Variants in B3GLCT observed in about 807,000 individuals in gnomAD.
The protein encoded by B3GLCT is beta 3-glucosyltransferase.
B3GLCT carries 65 observed loss-of-function variants against 63.4 expected under a neutral mutation model. The observed-to-expected ratio is 1.03, with a 90% confidence interval of 0.84 to 1.26. B3GLCT has a LOEUF of 1.26. Ranked by LOEUF, B3GLCT falls within the 50% of genes most tolerant of loss-of-function variation. The probability of loss-of-function intolerance (pLI) is 0.00; values close to 1 mark genes in which losing one functional copy is unlikely to be tolerated. For missense variants in B3GLCT, 577 were observed against 604.8 expected (o/e 0.95, Z 0.48); for synonymous variants, 233 against 219.2 (o/e 1.06, Z -0.55).
At chr13:31,254,550 A>G (rs1871623544) in intron 6 of B3GLCT, among the ~76,000 whole-genome samples, 1 of 152,222 alleles carries the variant, frequency 6.6e-6, no homozygotes, top group Non-Finnish European at 1.5e-5. Flanking sequence ...CCCACAGCCA[A>G]TATCATACTG....
chr13:31,329,856 T>C lies in B3GLCT; in HGVS notation c.*188T>C, dbSNP rs954743501. ...AAAGGGGTCACAGGAGAAACATTTTTTTTTCTGGGAAAAATCACTTGCTTT... is the reference window on the plus strand; with the variant it reads ...AAAGGGGTCACAGGAGAAACATTTTCTTTTCTGGGAAAAATCACTTGCTTT... On this transcript the variant is annotated 3_prime_UTR_variant, in exon 15 of 15. Transcript: ENST00000343307. 11 of 639,758 alleles carry C rather than the reference T, an allele frequency of 1.7e-5. No homozygotes were observed. The highest frequency in any genetic ancestry group is 7.6e-5 in the South Asian group (4 of 52,550). 39.6% of individuals were successfully genotyped at this position (639,758 alleles called of 1,614,324 possible).
At chr13:31,310,733 G>A (rs1446033065) in intron 12 of B3GLCT, among the ~76,000 whole-genome samples, 1 of 152,200 alleles carries the variant, frequency 6.6e-6, no homozygotes, top group Non-Finnish European at 1.5e-5. Context: ...GATGCTTCCT[G>A]GGGGCTCAGA....
At chr13:31,220,316 C>T (rs931969139) in intron 2 of B3GLCT, among the ~76,000 whole-genome samples, 1 of 152,146 alleles carries the variant, frequency 6.6e-6, no homozygotes, top group African/African-American at 2.4e-5. Context: ...AAAAATAAAA[C>T]CTGTGTCAAA....
intron 4 of B3GLCT, among the ~76,000 whole-genome samples, chr13:31,229,815 T>G (rs546061597): frequency 1.2e-3 from 156 of 129,142 alleles, no homozygotes; most frequent in African/African-American, 4.2e-3. Flanking sequence ...TTCTGAATTT[T>G]TTTTTGTGTG....
At chr13:31,270,220 T>A (rs1254491221) in intron 8 of B3GLCT, among the ~76,000 whole-genome samples, 1 of 152,226 alleles carries the variant, frequency 6.6e-6, no homozygotes, top group Non-Finnish European at 1.5e-5. Flanking sequence ...GTCTTGCCTC[T>A]CATTCTCTGC....
rs1287523505 is a variant in B3GLCT at position 31,316,425 on chromosome 13, ATATAT to A, written c.1065-1140_1065-1136del. On this transcript the variant is annotated intron_variant, in intron 12 of 14. Coordinates refer to ENST00000343307, the MANE Select transcript of B3GLCT (RefSeq NM_194318.4). The stretch of plus-strand genomic sequence containing the variant: ...GGAGGTTTTATATATATATATATAT[ATATAT>A]AAATTTTTTTTTTTTGAGACGGAGT... Among the ~76,000 whole-genome samples, 294 of 113,134 alleles carry A rather than the reference ATATAT, an allele frequency of 2.6e-3. 10 individuals are homozygous for A. The highest frequency in any genetic ancestry group is 9.0e-3 in the African/African-American group (282 of 31,278). 74.2% of individuals were successfully genotyped at this position (113,134 alleles called of 152,430 possible).
At chr13:31,254,472 C>T (rs1364870519) in intron 6 of B3GLCT, among the ~76,000 whole-genome samples, 2 of 152,140 alleles carry the variant, frequency 1.3e-5, no homozygotes, top group East Asian at 3.8e-4. Flanking sequence ...GCCCTTCATG[C>T]TAAAAACTCT....
At chr13:31,274,676 G>A (rs1257954819) in intron 9 of B3GLCT, 48 bp downstream of exon 9, 1 of 1,606,002 alleles carries the variant, frequency 6.2e-7, no homozygotes. Flanking sequence ...GAAAAATTTA[G>A]ATGCTGTGCA....
intron 8 of B3GLCT, among the ~76,000 whole-genome samples, chr13:31,274,017 G>T (rs1223285975): frequency 6.6e-6 from 1 of 152,110 alleles, no homozygotes. Context: ...ACTACCCTTG[G>T]TGCCTTTTTT....
At chr13:31,272,529 A>G (rs1029993408) in intron 8 of B3GLCT, among the ~76,000 whole-genome samples, 3 of 151,780 alleles carry the variant, frequency 2.0e-5, no homozygotes, top group Non-Finnish European at 4.4e-5. Context: ...CTATTTTTCT[A>G]TTTTAAAGTT....
At chr13:31,289,770 G>C (rs1330402318) in intron 12 of B3GLCT, among the ~76,000 whole-genome samples, 1 of 152,032 alleles carries the variant, frequency 6.6e-6, no homozygotes, top group South Asian at 2.1e-4. Flanking sequence ...GATTAACCTT[G>C]AATATAACTG....
intron 13 of B3GLCT, among the ~76,000 whole-genome samples, chr13:31,322,864 G>A (rs1042423658): frequency 3.3e-5 from 5 of 152,124 alleles, no homozygotes; most frequent in African/African-American, 4.8e-5. Context: ...TGAGCCCAAC[G>A]TGGCCGATTG....
intron 12 of B3GLCT, among the ~76,000 whole-genome samples, chr13:31,306,735 C>T (rs1217455468): frequency 6.8e-5 from 1 of 14,796 alleles, no homozygotes; most frequent in African/African-American, 1.3e-4. Context: ...GAATCAATAT[C>T]GTGAAAATGG....
chr13:31,310,170 C>T (rs1301935886), intron 12 of B3GLCT, among the ~76,000 whole-genome samples: 2 of 152,198 alleles, frequency 1.3e-5, no homozygotes, highest in Admixed American at 6.5e-5. Context: ...TCAGCACACA[C>T]TCCCCGATCC....
At chr13:31,295,411 C>G (rs1873883757) in intron 12 of B3GLCT, among the ~76,000 whole-genome samples, 2 of 152,294 alleles carry the variant, frequency 1.3e-5, no homozygotes, top group East Asian at 3.9e-4. Flanking sequence ...GAAGCTGTGC[C>G]CACTGCCACC....
At chr13:31,244,573 A>T (rs1871108729) in intron 4 of B3GLCT, among the ~76,000 whole-genome samples, 1 of 152,212 alleles carries the variant, frequency 6.6e-6, no homozygotes, top group Non-Finnish European at 1.5e-5. Flanking sequence ...TCTAAATCTT[A>T]TGATGGCGAT....
intron 9 of B3GLCT, among the ~76,000 whole-genome samples, chr13:31,274,924 GCTTCCACTTA>G (rs1368536557): frequency 1.3e-5 from 2 of 152,114 alleles, no homozygotes; most frequent in African/African-American, 4.8e-5. Context: ...CCAGTGTTTA[GCTTCCACTTA>G]TAAGTGAGAA....
At chr13:31,311,051 C>G (rs1020182215) in intron 12 of B3GLCT, among the ~76,000 whole-genome samples, 3 of 152,242 alleles carry the variant, frequency 2.0e-5, no homozygotes, top group Admixed American at 2.0e-4. Context: ...GTGGAGATTT[C>G]TGGCTGGTGA....
chr13:31,206,570 C>T (rs1192775775), intron 1 of B3GLCT, among the ~76,000 whole-genome samples: 2 of 135,546 alleles, frequency 1.5e-5, no homozygotes, highest in Non-Finnish European at 3.1e-5. Flanking sequence ...GAAACCCTGT[C>T]TCTACTAAAA....
Sources: allele counts gnomAD v4.1 joint callset (sites outside exome capture counted in the v4.1 genomes callset), GRCh38; gene constraint gnomAD v4.1.1; transcripts MANE v1.5; gene names NCBI Gene and HGNC (gene_info 2026-07-23, HGNC 2026-07-21).